DCAF10: variants seen among roughly 807,000 people sequenced by gnomAD.
The protein encoded by DCAF10 is DDB1- and CUL4-associated factor 10.
Under a neutral mutation model 51.9 loss-of-function variants are expected in DCAF10, and 19 were observed. The observed-to-expected ratio is 0.37, with a 90% CI of 0.26 to 0.54. The LOEUF (loss-of-function observed/expected upper bound fraction) is 0.54, where lower values mean the gene tolerates loss of function less well. Ranked by LOEUF, DCAF10 falls within the 20% of genes least tolerant of loss-of-function variation. DCAF10 has a pLI of 0.87. For synonymous variants in DCAF10, 291 were observed against 297.1 expected, an observed-to-expected ratio of 0.98 and a Z score of 0.21; for missense variants, 510 against 730.6, an observed-to-expected ratio of 0.70 and a Z score of 3.48.
At chr9:37,855,820 G>T (rs1830830418) in intron 4 of DCAF10, among the ~76,000 whole-genome samples, 1 of 152,162 alleles carries the variant, frequency 6.6e-6, no homozygotes, top group African/African-American at 2.4e-5. Flanking sequence ...CTCAAGGGTA[G>T]CCTGGGCAAC....
chr9:37,817,198 T>C lies in DCAF10; in HGVS notation c.540-2090T>C, dbSNP rs1196419416. Among the ~76,000 whole-genome samples, 25 of 152,334 alleles carry C rather than the reference T, an allele frequency of 1.6e-4. No individual in the cohort carries two copies. In the East Asian group the frequency reaches 4.4e-3, roughly 27 times the overall value. On this transcript the variant is annotated intron_variant, in intron 1 of 6. Coordinates refer to ENST00000377724, the MANE Select transcript of DCAF10 (RefSeq NM_024345.5). ...TGTATCTTTTAAAAAAATATGTATATTTTAAAAGATACATATCATACCATG... is the reference window on the plus strand; with the variant it reads ...TGTATCTTTTAAAAAAATATGTATACTTTAAAAGATACATATCATACCATG...
rs1831023040 is a variant in DCAF10, at chr9:37,861,704, G to A, written c.*196G>A. On this transcript the variant is annotated 3_prime_UTR_variant, in exon 7 of 7. Transcript: ENST00000377724. This position sits in a 1 kb window ranked among gnomAD's most constrained non-coding sequence, Gnocchi z 4.9. Reference sequence around the variant, plus strand: ...CAGGCATCTCCAAGTTAGACTCTATGCAGCATCATCTTTTGCAGCATTCCT... The same window carrying A: ...CAGGCATCTCCAAGTTAGACTCTATACAGCATCATCTTTTGCAGCATTCCT... The A allele has an allele frequency of 1.5e-6, 1 of 654,930 alleles. No individual in the cohort carries two copies. Among genetic ancestry groups the A allele is most frequent in the Non-Finnish European group, 2.5e-6 (1 of 404,998 alleles). 40.6% of individuals were successfully genotyped at this position (654,930 alleles called of 1,614,324 possible). A position where few individuals can be genotyped will look rare whatever the true frequency, so the allele number is the denominator to read the frequency against.
At chr9:37,806,837 A>G (rs144573545) in intron 1 of DCAF10, among the ~76,000 whole-genome samples, 73 of 152,338 alleles carry the variant, frequency 4.8e-4, no homozygotes, top group African/African-American at 1.7e-3. Flanking sequence ...TATAAATGAA[A>G]ATGACTACCA....
Position 37,800,947 on chromosome 9 carries a change from G to T in DCAF10, c.81G>T (p.Gly27=). Residue 27 remains glycine, a synonymous_variant, in exon 1 of 7, where the codon GGG becomes GGT. Transcript: ENST00000377724. The part of the protein sequence containing the change: ...AGAEEPTPHE[G]QAAATGPPSP... The stretch of plus-strand genomic sequence containing the variant: ...CTGAGGAGCCGACGCCCCACGAGGG[G>T]CAGGCAGCAGCCACCGGGCCGCCCT... 1 of 1,500,298 alleles carries T rather than the reference G, an allele frequency of 6.7e-7. No homozygotes were observed. The highest frequency in any genetic ancestry group is 8.8e-7 in the Non-Finnish European group (1 of 1,131,836). 92.9% of individuals were successfully genotyped at this position (1,500,298 alleles called of 1,614,324 possible).
chr9:37,809,093 GAAA>G (rs60046914), intron 1 of DCAF10, among the ~76,000 whole-genome samples: 1 of 97,920 alleles, frequency 1.0e-5, no homozygotes, highest in Admixed American at 1.1e-4. Context: ...CTGTCTCAAA[GAAA>G]AAAAAAAAAA....
chr9:37,817,091 G>A (rs746168490), intron 1 of DCAF10, among the ~76,000 whole-genome samples: 1 of 152,158 alleles, frequency 6.6e-6, no homozygotes, highest in African/African-American at 2.4e-5. Context: ...TGTATGTAGT[G>A]AAGATGGCAT....
At chr9:37,857,977 T>A (rs933404328) in intron 5 of DCAF10, among the ~76,000 whole-genome samples, 3 of 152,184 alleles carry the variant, frequency 2.0e-5, no homozygotes, top group African/African-American at 4.8e-5. Context: ...TAAGCTCTTA[T>A]ACCATTCATT....
At chr9:37,851,884 A>C (rs1830662906) in intron 3 of DCAF10, among the ~76,000 whole-genome samples, 1 of 152,014 alleles carries the variant, frequency 6.6e-6, no homozygotes, top group Non-Finnish European at 1.5e-5. Context: ...AAAAGATAGA[A>C]AATATAAAGA....
At chr9:37,808,975 G>A (rs1292939265) in intron 1 of DCAF10, among the ~76,000 whole-genome samples, 1 of 150,166 alleles carries the variant, frequency 6.7e-6, no homozygotes, top group Admixed American at 6.7e-5. Flanking sequence ...TGGTGTGGTG[G>A]CATGTGCCTG....
chr9:37,823,519 C>T (rs1355749392), intron 2 of DCAF10, among the ~76,000 whole-genome samples: 1 of 151,854 alleles, frequency 6.6e-6, no homozygotes. Context: ...TCCAGGGAAA[C>T]TGTTAATCCA....
chr9:37,839,510 G>A (rs1023351565), intron 2 of DCAF10, among the ~76,000 whole-genome samples: 1 of 152,200 alleles, frequency 6.6e-6, no homozygotes, highest in Admixed American at 6.5e-5. Flanking sequence ...AAAATGTTGG[G>A]ATTATAGGTA....
chr9:37,829,333 G>A lies in DCAF10; in HGVS notation c.653+9932G>A, dbSNP rs183308632. 1.3e-3 allele frequency among the ~76,000 whole-genome samples: 204 copies of A among 152,194 alleles called. 1 individual carries two copies. The highest frequency in any genetic ancestry group is 4.7e-3 in the African/African-American group (196 of 41,528). ...TGCATGCCTGTAATCCCAGCTACTC[G>A]GGAGGCTGAGACAGGAGAATCACTT... On this transcript the variant is annotated intron_variant, in intron 2 of 6. Transcript: ENST00000377724. The surrounding 1 kb of genome is among the most constrained non-coding windows in gnomAD (Gnocchi z 4.2).
intron 2 of DCAF10, among the ~76,000 whole-genome samples, 167 bp from the exon 3 acceptor site, chr9:37,841,922 T>G (rs571458221): frequency 2.0e-5 from 3 of 152,372 alleles, no homozygotes; most frequent in African/African-American, 4.8e-5. Context: ...TCTGTGATTA[T>G]GCAAAGTATA....
At chr9:37,838,971 A>T (rs1043182175) in intron 2 of DCAF10, among the ~76,000 whole-genome samples, 3 of 152,348 alleles carry the variant, frequency 2.0e-5, no homozygotes, top group Middle Eastern at 3.4e-3. Context: ...AATAATGGCA[A>T]TATGTTTTTG....
intron 2 of DCAF10, among the ~76,000 whole-genome samples, chr9:37,839,408 G>T (rs1461546139): frequency 6.6e-6 from 1 of 151,844 alleles, no homozygotes; most frequent in Non-Finnish European, 1.5e-5. Context: ...TTTTGTTATC[G>T]TTATTTTTAA....
intron 2 of DCAF10, among the ~76,000 whole-genome samples, chr9:37,839,152 T>G (rs1239910364): frequency 1.3e-5 from 2 of 151,934 alleles, no homozygotes; most frequent in African/African-American, 4.8e-5. Context: ...CCTCCCGGGT[T>G]CAAGCAATTC....
At chr9:37,854,725 T>C (rs1488696106) in intron 3 of DCAF10, 55 bp from the exon 4 acceptor site, 1 of 1,518,008 alleles carries the variant, frequency 6.6e-7, no homozygotes, top group Non-Finnish European at 9.0e-7. Flanking sequence ...TGATTATTAC[T>C]GAACCGTTAT....
At chr9:37,859,869 C>G (rs1208702793) in intron 5 of DCAF10, among the ~76,000 whole-genome samples, 179 bp from the exon 6 acceptor site, 1 of 152,094 alleles carries the variant, frequency 6.6e-6, no homozygotes, top group Non-Finnish European at 1.5e-5. Flanking sequence ...ACACCTTCAC[C>G]CCGCCAAAAC....
chr9:37,826,820 C>CTTT (rs397893920), intron 2 of DCAF10, among the ~76,000 whole-genome samples: 27 of 123,816 alleles, frequency 2.2e-4, no homozygotes, highest in Non-Finnish European at 3.0e-4. Context: ...ACCACAATAC[C>CTTT]TTTTTTTTTT....
Sources: allele counts gnomAD v4.1 joint callset (sites outside exome capture counted in the v4.1 genomes callset), GRCh38; gene constraint gnomAD v4.1.1; non-coding constraint Gnocchi (gnomAD v3.1); transcripts MANE v1.5; gene names NCBI Gene and HGNC (gene_info 2026-07-23, HGNC 2026-07-21).